Variants in FHOD3 observed in about 807,000 individuals in gnomAD.
FHOD3 encodes formin homology 2 domain containing 3.
FHOD3 carries 90 observed loss-of-function variants against 173.0 expected under a neutral mutation model. The observed-to-expected ratio is 0.52, with a 90% CI of 0.44 to 0.62. The LOEUF (loss-of-function observed/expected upper bound fraction) is 0.62. Among genes scored for constraint, FHOD3 ranks in the 20% least tolerant of loss-of-function variants. FHOD3 has a pLI of 0.00. For synonymous variants in FHOD3, 828 were observed against 823.0 expected (o/e 1.01, Z -0.10); for missense variants, 1,945 against 2,034.7 (o/e 0.96, Z 0.85).
intron 3 of FHOD3, among the ~76,000 whole-genome samples, chr18:36,443,088 A>G (rs1428889439): frequency 6.6e-6 from 1 of 152,202 alleles, no homozygotes; most frequent in Non-Finnish European, 1.5e-5. Flanking sequence ...CGTGTTGCCA[A>G]TGTTTCTCAT....
chr18:36,380,422 C>A (rs9958398), intron 3 of FHOD3, among the ~76,000 whole-genome samples: 2 of 151,608 alleles, frequency 1.3e-5, no homozygotes, highest in Admixed American at 1.3e-4. Flanking sequence ...GTCAATACTT[C>A]GGTCATCTCC....
intron 8 of FHOD3, among the ~76,000 whole-genome samples, chr18:36,611,195 A>T (rs111776522): frequency 6.6e-6 from 1 of 152,218 alleles, no homozygotes; most frequent in African/African-American, 2.4e-5. Flanking sequence ...TTACAACTCC[A>T]GTTGTTGGTG....
intron 14 of FHOD3, 103 bp downstream of exon 14, chr18:36,658,291 G>T: frequency 1.3e-6 from 1 of 745,594 alleles, no homozygotes; most frequent in Non-Finnish European, 2.2e-6. Flanking sequence ...GACATAACAT[G>T]AAGTATTTTC....
chr18:36,769,020 G>T (rs576609620), intron 27 of FHOD3, among the ~76,000 whole-genome samples: 1 of 152,308 alleles, frequency 6.6e-6, no homozygotes, highest in African/African-American at 2.4e-5. Context: ...AGGGTGATAT[G>T]AAATAAGTGC....
At chr18:36,674,857 CA>C (rs537008917) in intron 14 of FHOD3, among the ~76,000 whole-genome samples, 100 of 152,228 alleles carry the variant, frequency 6.6e-4, no homozygotes, top group African/African-American at 2.3e-3. Flanking sequence ...AACTCTTATG[CA>C]AAGAAGAGGA....
intron 10 of FHOD3, among the ~76,000 whole-genome samples, chr18:36,629,280 A>G (rs2034335868): frequency 6.6e-6 from 1 of 152,252 alleles, no homozygotes; most frequent in African/African-American, 2.4e-5. Flanking sequence ...GTCAACAGCC[A>G]TCAGCCACTG....
intron 28 of FHOD3, 79 bp downstream of exon 28, chr18:36,769,505 G>C: frequency 6.6e-7 from 1 of 1,505,696 alleles, no homozygotes; most frequent in South Asian, 1.3e-5. Flanking sequence ...GGGAAAGGTG[G>C]AGACACAGCT....
At chr18:36,620,615 G>A (rs561457071) in intron 9 of FHOD3, among the ~76,000 whole-genome samples, 12 of 152,344 alleles carry the variant, frequency 7.9e-5, no homozygotes, top group Middle Eastern at 6.8e-3. Context: ...TTCAGTAGGT[G>A]CTTGAATGAA....
chr18:36,376,252 G>A (rs767357751), intron 3 of FHOD3, among the ~76,000 whole-genome samples: 13 of 152,164 alleles, frequency 8.5e-5, no homozygotes, highest in Non-Finnish European at 1.8e-4. Flanking sequence ...AAGTTAATAT[G>A]TGAGTGTTTT....
chr18:36,740,616 T>A (rs754659014), intron 20 of FHOD3, 40 bp from the exon 21 acceptor site: 2 of 1,528,404 alleles, frequency 1.3e-6, no homozygotes, highest in South Asian at 2.3e-5. Context: ...GGAGGGTCCA[T>A]CACTAAGAGA....
At chr18:36,556,213 TA>T (rs1279716680) in intron 5 of FHOD3, among the ~76,000 whole-genome samples, 2 of 152,200 alleles carry the variant, frequency 1.3e-5, no homozygotes. Context: ...CTTTAGGGTT[TA>T]TAGTACAGTT....
At chr18:36,760,552 T>G in intron 26 of FHOD3, 56 bp from the exon 27 acceptor site, 66 of 1,447,484 alleles carry the variant, frequency 4.6e-5, no homozygotes, top group Non-Finnish European at 5.8e-5. Context: ...TTTAGAAGCT[T>G]GAGTTGTCTT....
At position 36,771,582 on chromosome 18, in the gene FHOD3, G is replaced by A. The variant is rs562866920; in HGVS notation, c.4786+2156G>A. On this transcript the variant is annotated intron_variant, in intron 28 of 28. Transcript: ENST00000590592. ...TCCAAAAGATTTTTTGAGGTCTTAA[G>A]TAGTTTATCTTCAGTAGTTGCCCTT... 3.8e-4 allele frequency among the ~76,000 whole-genome samples: 58 copies of A among 152,322 alleles called. No homozygotes were observed. The South Asian group carries it at 6.8e-3, about 18-fold the overall frequency.
chr18:36,358,789 C>A (rs2046477501), intron 2 of FHOD3, among the ~76,000 whole-genome samples: 2 of 152,090 alleles, frequency 1.3e-5, no homozygotes, highest in African/African-American at 4.8e-5. Flanking sequence ...GATTCTCCTG[C>A]TCTGGCTAAT....
intron 15 of FHOD3, among the ~76,000 whole-genome samples, chr18:36,685,696 TA>T (rs2038564366): frequency 6.6e-6 from 1 of 152,184 alleles, no homozygotes. Context: ...TATATCCAGT[TA>T]TCAGTACACC....
chr18:36,344,420 A>G (rs2045782722), intron 1 of FHOD3, among the ~76,000 whole-genome samples: 1 of 152,170 alleles, frequency 6.6e-6, no homozygotes, highest in South Asian at 2.1e-4. Context: ...CAAAAAAAAA[A>G]GGTATAAATC....
chr18:36,484,046 G>T (rs949099880), intron 3 of FHOD3, among the ~76,000 whole-genome samples: 1 of 152,222 alleles, frequency 6.6e-6, no homozygotes, highest in African/African-American at 2.4e-5. Flanking sequence ...ATCTGTTCTT[G>T]TCAAGTTCCC....
intron 24 of FHOD3, among the ~76,000 whole-genome samples, chr18:36,749,521 A>T (rs989122359): frequency 3.8e-4 from 58 of 152,300 alleles, no homozygotes; most frequent in African/African-American, 1.1e-3. Context: ...GTTCTTTCTT[A>T]TGGATGTATA....
At chr18:36,472,275 A>C (rs2053326421) in intron 3 of FHOD3, among the ~76,000 whole-genome samples, 1 of 152,082 alleles carries the variant, frequency 6.6e-6, no homozygotes. Context: ...GGTAATGGCA[A>C]CCTCTCTCTC....
Sources: gnomAD v4.1 joint callset for allele counts (sites outside exome capture counted in the v4.1 genomes callset) on GRCh38, gnomAD v4.1.1 for gene constraint, MANE v1.5 for transcripts, NCBI Gene and HGNC (gene_info 2026-07-23, HGNC 2026-07-21) for gene names.